SH3RF2: variants seen among roughly 807,000 people sequenced by gnomAD.
SH3RF2 encodes the protein E3 ubiquitin-protein ligase SH3RF2.
A neutral mutation model predicts 59.0 loss-of-function variants in SH3RF2; 43 were observed. The observed-to-expected ratio is 0.73, with a 90% CI of 0.57 to 0.94. The LOEUF is 0.94. SH3RF2 is among the 40% of genes least tolerant of loss of function. The pLI is 0.00. For missense variants in SH3RF2, 930 were observed against 940.1 expected (o/e 0.99, Z 0.14); for synonymous variants, 391 against 391.5 (o/e 1.00, Z 0.01).
intron 2 of SH3RF2, among the ~76,000 whole-genome samples, chr5:145,964,838 T>G (rs2149957181): frequency 6.6e-6 from 1 of 152,238 alleles, no homozygotes; most frequent in Non-Finnish European, 1.5e-5. Flanking sequence ...ATTAATTAAA[T>G]GAAGTGGCAA....
chr5:146,063,759 C>T (rs187782778), downstream of SH3RF2, among the ~76,000 whole-genome samples: 160 of 152,224 alleles, frequency 1.1e-3, no homozygotes, highest in African/African-American at 3.7e-3. Context: ...ACTCTTGAGG[C>T]CGAGGCATGA....
chr5:146,010,862 G>A (rs1378902985), intron 4 of SH3RF2, among the ~76,000 whole-genome samples: 3 of 152,146 alleles, frequency 2.0e-5, no homozygotes, highest in Admixed American at 1.3e-4. Flanking sequence ...TTCTTTTGCT[G>A]TGCAGAAGCT....
intron 2 of SH3RF2, chr5:145,997,110 G>A (rs559684127): frequency 3.2e-6 from 2 of 620,482 alleles, no homozygotes; most frequent in Non-Finnish European, 5.8e-6. Flanking sequence ...ACGGGCATTT[G>A]TTGTGCAGGT....
At chr5:146,013,580 C>T (rs1253778519) in intron 4 of SH3RF2, among the ~76,000 whole-genome samples, 167 bp from the exon 5 acceptor site, 2 of 152,124 alleles carry the variant, frequency 1.3e-5, no homozygotes, top group Non-Finnish European at 2.9e-5. Flanking sequence ...CATGAGGATG[C>T]ATCGATAAAA....
chr5:146,063,445 T>C (rs1275268148), downstream of SH3RF2: 1 of 152,246 alleles, frequency 6.6e-6, no homozygotes, highest in Non-Finnish European at 1.5e-5. Context: ...GATAGGGCCA[T>C]GTATGGCATT....
intron 2 of SH3RF2, among the ~76,000 whole-genome samples, chr5:145,982,315 C>G (rs112203651): frequency 6.6e-6 from 1 of 152,216 alleles, no homozygotes; most frequent in African/African-American, 2.4e-5. Flanking sequence ...GAGGCTTCTT[C>G]CTGACTATGT....
At chr5:146,040,575 C>G (rs1762091650) in intron 5 of SH3RF2, among the ~76,000 whole-genome samples, 1 of 152,126 alleles carries the variant, frequency 6.6e-6, no homozygotes, top group South Asian at 2.1e-4. Context: ...TACTTGGGAA[C>G]TGTAAATTCA....
At chr5:145,996,712 T>C (rs1429526426) in intron 2 of SH3RF2, among the ~76,000 whole-genome samples, 1 of 152,198 alleles carries the variant, frequency 6.6e-6, no homozygotes, top group East Asian at 1.9e-4. Context: ...AAAGAGTCAC[T>C]GACTCCCATC....
At chr5:145,951,898 G>T (rs183727258) in intron 2 of SH3RF2, among the ~76,000 whole-genome samples, 2 of 152,224 alleles carry the variant, frequency 1.3e-5, no homozygotes, top group Admixed American at 1.3e-4. Flanking sequence ...AAGAACAGGG[G>T]CTCTGAAGTT....
intron 2 of SH3RF2, among the ~76,000 whole-genome samples, chr5:145,953,568 T>C (rs1214416662): frequency 1.1e-4 from 17 of 152,212 alleles, no homozygotes; most frequent in Admixed American, 1.1e-3. Flanking sequence ...GTTTAACTTT[T>C]ATTTTAGGTT....
chr5:145,980,885 T>C (rs1043195421), intron 2 of SH3RF2, among the ~76,000 whole-genome samples: 2 of 152,148 alleles, frequency 1.3e-5, no homozygotes, highest in Non-Finnish European at 2.9e-5. Context: ...GTCAATCTTA[T>C]TGCATCTATA....
Position 146,062,900 on chromosome 5 carries a change from T to G in SH3RF2, c.*199T>G. On this transcript the variant is annotated 3_prime_UTR_variant, in exon 10 of 10. Coordinates refer to ENST00000359120, the MANE Select transcript of SH3RF2 (RefSeq NM_152550.4). ...GATAGATGGCGTGGCCTTCCAAACA[T>G]ACAAACATAATGATTTGATGCCACA... 1 of 671,690 alleles carries G rather than the reference T, an allele frequency of 1.5e-6. No individual in the cohort carries two copies. The highest frequency in any genetic ancestry group is 2.5e-6 in the Non-Finnish European group (1 of 407,146). 41.6% of individuals were successfully genotyped at this position (671,690 alleles called of 1,614,324 possible).
Position 146,025,022 on chromosome 5 carries a change from G to C in SH3RF2, c.1059+10961G>C, listed in dbSNP as rs541183065. On this transcript the variant is annotated intron_variant, in intron 5 of 9. Transcript: ENST00000359120. ...TTTCATTAGGGGTTGCAAAATGATG[G>C]TGTTCCAAATCTGTCACTCCTGAAT... Among the ~76,000 whole-genome samples the C allele has an allele frequency of 6.2e-4, 94 of 152,264 alleles. 4 individuals carry two copies. Among genetic ancestry groups the C allele is most frequent in the African/African-American group, 2.1e-3 (88 of 41,552 alleles).
chr5:146,073,796 A>C (rs1439013210), intron 9 of SH3RF2, among the ~76,000 whole-genome samples: 1 of 152,204 alleles, frequency 6.6e-6, no homozygotes, highest in East Asian at 1.9e-4. Context: ...GCAAAGAAGC[A>C]GGAGAATTTC....
Position 146,062,431 on chromosome 5 carries a change from C to T in SH3RF2, c.1920C>T (p.Val640=). The change falls in exon 10 of 10, where the codon GTC becomes GTT. Residue 640 remains valine (V), a synonymous_variant. Transcript: ENST00000359120. The stretch of plus-strand genomic sequence containing the variant: ...TCCTCTCCTTTCTCTTGCAGCAAGT[C>T]AAAACCGTGAGATTTCAGAATTACA... ...ENSRNGIEKQ[V]KTVRFQNYSP... is the part of the protein sequence containing the mutation. 1 of 1,613,706 alleles carries T rather than the reference C, an allele frequency of 6.2e-7. No homozygotes were observed. The highest frequency in any genetic ancestry group is 2.2e-5 in the East Asian group (1 of 44,876).
chr5:146,064,842 A>AAG (rs1561773873), downstream of SH3RF2, among the ~76,000 whole-genome samples: 1 of 17,096 alleles, frequency 5.8e-5, no homozygotes, highest in Non-Finnish European at 8.0e-4. Flanking sequence ...GAAAGAAAGA[A>AAG]AGAAAGAAAG....
At chr5:146,029,527 C>T (rs1043350076) in intron 5 of SH3RF2, among the ~76,000 whole-genome samples, 2 of 152,156 alleles carry the variant, frequency 1.3e-5, no homozygotes, top group Non-Finnish European at 2.9e-5. Context: ...GATTCCATAT[C>T]ATTCTATTGG....
At chr5:145,948,517 A>G (rs1374392661) in intron 2 of SH3RF2, among the ~76,000 whole-genome samples, 3 of 152,220 alleles carry the variant, frequency 2.0e-5, no homozygotes, top group Non-Finnish European at 4.4e-5. Flanking sequence ...ATTCACTGTC[A>G]CCCTTTCCTG....
chr5:146,039,090 G>T (rs1185534071), intron 5 of SH3RF2, among the ~76,000 whole-genome samples: 2 of 152,132 alleles, frequency 1.3e-5, no homozygotes, highest in African/African-American at 4.8e-5. Flanking sequence ...TGGGCTAATT[G>T]GGTATCCATG....
Sources: gnomAD v4.1 joint callset for allele counts (sites outside exome capture counted in the v4.1 genomes callset) on GRCh38, gnomAD v4.1.1 for gene constraint, MANE v1.5 for transcripts, NCBI Gene and HGNC (gene_info 2026-07-23, HGNC 2026-07-21) for gene names.